Variants in CCDC148 observed in about 807,000 individuals in gnomAD.
CCDC148 encodes coiled-coil domain containing 148, also known as coiled-coil domain-containing protein 148.
In CCDC148, 89 loss-of-function variants were observed where a neutral mutation model predicts 85.7. The ratio of observed to expected loss-of-function variants is 1.04; its 90% CI spans 0.87 to 1.24. The LOEUF (loss-of-function observed/expected upper bound fraction) is 1.24. Ranked by LOEUF, CCDC148 falls within the 50% of genes most tolerant of loss-of-function variation. The pLI is 0.00. For synonymous variants in CCDC148, 230 were observed against 213.9 expected, an observed-to-expected ratio of 1.08 and a Z score of -0.66; for missense variants, 692 against 671.7, an observed-to-expected ratio of 1.03 and a Z score of -0.33.
At position 158,340,228 on chromosome 2, in the gene CCDC148, G is replaced by A; in HGVS notation, c.486+14C>T. ...GAAATATTACATTATGGAAAATAAA[G>A]GTAACATACTAACCTCTTCCAATAC... On this transcript the variant is annotated intron_variant, in intron 5 of 13. Coordinates refer to ENST00000283233, the MANE Select transcript of CCDC148 (RefSeq NM_138803.4). The A allele has an allele frequency of 6.2e-7, 1 of 1,610,384 alleles. No homozygotes were observed. Among genetic ancestry groups the A allele is most frequent in the Non-Finnish European group, 8.5e-7 (1 of 1,178,074 alleles).
At chr2:158,319,222 A>G (rs939651596) in intron 7 of CCDC148, among the ~76,000 whole-genome samples, 1 of 152,144 alleles carries the variant, frequency 6.6e-6, no homozygotes, top group Non-Finnish European at 1.5e-5. Context: ...GACTTTATTC[A>G]AGATCCACTC....
At chr2:158,238,673 T>C (rs13413279) in intron 10 of CCDC148, among the ~76,000 whole-genome samples, 34,594 of 151,906 alleles carry the variant, frequency 0.23, 4,219 homozygotes, top group Admixed American at 0.28. Flanking sequence ...GAGACAGACA[T>C]AGTAAGCAGT....
At chr2:158,425,978 T>A (rs1687059214) in intron 1 of CCDC148, among the ~76,000 whole-genome samples, 1 of 152,162 alleles carries the variant, frequency 6.6e-6, no homozygotes, top group Non-Finnish European at 1.5e-5. Context: ...ATCTTTGAAT[T>A]GCTAATTACT....
At chr2:158,381,649 G>T (rs1684872205) in intron 1 of CCDC148, among the ~76,000 whole-genome samples, 2 of 152,060 alleles carry the variant, frequency 1.3e-5, no homozygotes, top group Admixed American at 1.3e-4. Flanking sequence ...TATAAGAATG[G>T]TCATAGCAGC....
intron 11 of CCDC148, among the ~76,000 whole-genome samples, chr2:158,200,141 A>T (rs2105281540): frequency 6.6e-6 from 1 of 152,338 alleles, no homozygotes; most frequent in African/African-American, 2.4e-5. Context: ...TGCATGTTTA[A>T]AAAAGATGAT....
At chr2:158,359,347 C>T (rs1202744340) in intron 1 of CCDC148, among the ~76,000 whole-genome samples, 1 of 152,178 alleles carries the variant, frequency 6.6e-6, no homozygotes, top group South Asian at 2.1e-4. Flanking sequence ...CAAATGATTT[C>T]AGGCCAATCA....
chr2:158,391,435 A>T (rs1685303634), intron 1 of CCDC148, among the ~76,000 whole-genome samples: 1 of 152,080 alleles, frequency 6.6e-6, no homozygotes, highest in Non-Finnish European at 1.5e-5. Flanking sequence ...AACATTTGCT[A>T]CCCAAGTAAT....
rs1688859508 is a variant in CCDC148, at chr2:158,253,036, T to C, written c.1111-2124A>G. The stretch of plus-strand genomic sequence containing the variant: ...ACCAGGTAGTTTGGATTTTTTTTAT[T>C]ACTATGTATACACATCAACATGACT... On this transcript the variant is annotated intron_variant, in intron 9 of 13. Transcript: ENST00000283233. 1.3e-5 allele frequency among the ~76,000 whole-genome samples: 2 copies of C among 151,756 alleles called. 1 individual carries two copies. The highest frequency in any genetic ancestry group is 1.3e-4 in the Admixed American group (2 of 15,160).
chr2:158,353,139 C>A (rs974755623), intron 2 of CCDC148, among the ~76,000 whole-genome samples: 1 of 149,364 alleles, frequency 6.7e-6, no homozygotes, highest in African/African-American at 2.5e-5. Flanking sequence ...AATGTAAAGA[C>A]CATCGAGACT....
chr2:158,300,224 T>C (rs889972000), intron 9 of CCDC148, among the ~76,000 whole-genome samples: 3 of 152,222 alleles, frequency 2.0e-5, no homozygotes, highest in Non-Finnish European at 4.4e-5. Context: ...AGGAGAGTAC[T>C]GTGTCAGGAG....
intron 7 of CCDC148, among the ~76,000 whole-genome samples, chr2:158,335,265 A>T (rs1477493760): frequency 6.6e-6 from 1 of 152,196 alleles, no homozygotes; most frequent in Non-Finnish European, 1.5e-5. Context: ...TTTCACAAGC[A>T]CCTAACAAAA....
chr2:158,241,649 C>A (rs1249995640), intron 10 of CCDC148, among the ~76,000 whole-genome samples: 1 of 152,088 alleles, frequency 6.6e-6, no homozygotes, highest in Non-Finnish European at 1.5e-5. Context: ...GAATTATACA[C>A]AATCTTATTG....
At chr2:158,413,874 A>AT (rs1316931837) in intron 1 of CCDC148, among the ~76,000 whole-genome samples, 1 of 152,156 alleles carries the variant, frequency 6.6e-6, no homozygotes, top group Non-Finnish European at 1.5e-5. Context: ...AATCTTTCAA[A>AT]TTTTTATCAT....
chr2:158,288,567 C>T (rs1690741037), intron 9 of CCDC148: 1 of 154,690 alleles, frequency 6.5e-6, no homozygotes, highest in African/African-American at 2.4e-5. Flanking sequence ...TTCCTCATCT[C>T]CATCTGAGGC....
At chr2:158,431,689 G>A (rs1441735856) in intron 1 of CCDC148, among the ~76,000 whole-genome samples, 1 of 152,168 alleles carries the variant, frequency 6.6e-6, no homozygotes, top group Non-Finnish European at 1.5e-5. Context: ...TATAACCCCA[G>A]CACTTTAGGT....
chr2:158,424,419 G>C (rs1686970599), intron 1 of CCDC148, among the ~76,000 whole-genome samples: 3 of 152,112 alleles, frequency 2.0e-5, no homozygotes, highest in African/African-American at 7.2e-5. Flanking sequence ...CCTTTGTAGG[G>C]ACATGGATGA....
intron 11 of CCDC148, among the ~76,000 whole-genome samples, chr2:158,194,131 A>G (rs1050748458): frequency 1.3e-5 from 2 of 152,236 alleles, no homozygotes; most frequent in East Asian, 1.9e-4. Flanking sequence ...AGCATCATTC[A>G]CTTTCTCCAT....
At chr2:158,172,709 CA>C (rs1467523411) in intron 13 of CCDC148, among the ~76,000 whole-genome samples, 3 of 152,006 alleles carry the variant, frequency 2.0e-5, no homozygotes, top group Non-Finnish European at 2.9e-5. Flanking sequence ...ACTTGAAAAA[CA>C]AAATCAATAG....
chr2:158,225,552 G>T (rs1167160082), intron 10 of CCDC148, among the ~76,000 whole-genome samples: 1 of 152,158 alleles, frequency 6.6e-6, no homozygotes, highest in Admixed American at 6.5e-5. Flanking sequence ...CACATAGTTG[G>T]AAGTAAAGCA....
Sources: gnomAD v4.1 joint callset for allele counts (sites outside exome capture counted in the v4.1 genomes callset) on GRCh38, gnomAD v4.1.1 for gene constraint, MANE v1.5 for transcripts, NCBI Gene and HGNC (gene_info 2026-07-23, HGNC 2026-07-21) for gene names.